GLIS3: variants seen among roughly 807,000 people sequenced by gnomAD.
GLIS3 encodes the protein zinc finger protein GLIS3.
GLIS3 carries 53 observed loss-of-function variants against 78.6 expected under a neutral mutation model. The ratio of observed to expected loss-of-function variants is 0.67; its 90% CI spans 0.54 to 0.85. The LOEUF is 0.85. GLIS3 is among the 40% of genes least tolerant of loss of function. The pLI, the probability that GLIS3 is intolerant of heterozygous loss-of-function variation, is 0.00. For synonymous variants in GLIS3, 684 were observed against 509.9 expected (o/e 1.34, Z -4.60); for missense variants, 1,703 against 1,231.1 (o/e 1.38, Z -5.74).
At chr9:4,092,547 T>G (rs1829611106) in intron 4 of GLIS3, among the ~76,000 whole-genome samples, 1 of 152,224 alleles carries the variant, frequency 6.6e-6, no homozygotes, top group African/African-American at 2.4e-5. Context: ...TTTTAAACTT[T>G]TTAAATTTTT....
At chr9:4,297,066 AG>A in intron 1 of GLIS3, among the ~76,000 whole-genome samples, 1 of 152,052 alleles carries the variant, frequency 6.6e-6, no homozygotes, top group East Asian at 1.9e-4. Flanking sequence ...AACTAGGAGG[AG>A]ATAAAAGAGA....
chr9:4,338,389 T>TACACAC lies in GLIS3; in HGVS notation n.264+8686_264+8691dup, dbSNP rs202090144. ...GTGTACACACACACACACACACACATACACACACACACACACACACAATTT... is the reference window on the plus strand; with the variant it reads ...GTGTACACACACACACACACACACATACACACACACACACACACACACACACAATTT... On this transcript the variant is annotated intron_variant and non_coding_transcript_variant, in intron 2 of 4. Transcript: ENST00000471664. 3.8e-3 allele frequency among the ~76,000 whole-genome samples: 557 copies of TACACAC among 147,462 alleles called. 1 individual carries two copies. The highest frequency in any genetic ancestry group is 0.01 in the African/African-American group (409 of 39,328).
At chr9:4,444,620 T>C in the GLIS3 span, among the ~76,000 whole-genome samples, 4 of 152,232 alleles carry the variant, frequency 2.6e-5, no homozygotes, top group Non-Finnish European at 5.9e-5. Context: ...TTGCCGATTA[T>C]CATGAAGAAA....
chr9:4,331,814 T>C (rs1198873714), intron 2 of GLIS3, among the ~76,000 whole-genome samples: 1 of 152,020 alleles, frequency 6.6e-6, no homozygotes, highest in African/African-American at 2.4e-5. Flanking sequence ...AAGAGAGACA[T>C]TGGGAGTGGT....
At chr9:4,315,081 C>A (rs1485480301) in intron 2 of GLIS3, among the ~76,000 whole-genome samples, 1 of 152,216 alleles carries the variant, frequency 6.6e-6, no homozygotes, top group East Asian at 1.9e-4. Flanking sequence ...TGTACTGACT[C>A]AACCAGAGTG....
chr9:4,127,311 C>G (rs1832647203), intron 2 of GLIS3, among the ~76,000 whole-genome samples: 1 of 152,126 alleles, frequency 6.6e-6, no homozygotes, highest in Non-Finnish European at 1.5e-5. Flanking sequence ...TAAATTTAGG[C>G]TCTGATATGC....
intron 6 of GLIS3, among the ~76,000 whole-genome samples, chr9:3,906,367 T>C (rs977712598): frequency 2.0e-5 from 3 of 152,040 alleles, no homozygotes; most frequent in African/African-American, 7.3e-5. Flanking sequence ...GGGTGAGAAG[T>C]GGTCCAGCTG....
chr9:4,248,938 T>C (rs569460568), intron 2 of GLIS3, among the ~76,000 whole-genome samples: 9 of 152,256 alleles, frequency 5.9e-5, no homozygotes, highest in African/African-American at 2.2e-4. Context: ...GGGGTGGTTA[T>C]AGATCTGTGG....
intron 2 of GLIS3, among the ~76,000 whole-genome samples, chr9:4,238,973 T>A (rs577315138): frequency 3.0e-4 from 45 of 152,092 alleles, no homozygotes; most frequent in South Asian, 2.3e-3. Context: ...TTGCTGAGAA[T>A]GATGGTTTCC....
chr9:4,434,588 G>C, the GLIS3 span, among the ~76,000 whole-genome samples: 1 of 152,164 alleles, frequency 6.6e-6, no homozygotes, highest in Non-Finnish European at 1.5e-5. Context: ...GGGGTGATAG[G>C]TGGGTGAGTG....
chr9:4,031,467 T>C (rs1056880362), intron 4 of GLIS3, among the ~76,000 whole-genome samples: 2 of 152,224 alleles, frequency 1.3e-5, no homozygotes, highest in African/African-American at 4.8e-5. Context: ...AGATTAGTAG[T>C]TGCCTGTGGC....
chr9:3,835,329 C>G (rs1422499619), intron 9 of GLIS3, among the ~76,000 whole-genome samples: 1 of 152,112 alleles, frequency 6.6e-6, no homozygotes, highest in African/African-American at 2.4e-5. Context: ...CAATAGGAAC[C>G]CCTCAAAAAC....
the GLIS3 span, among the ~76,000 whole-genome samples, chr9:4,365,795 T>A: frequency 8.9e-4 from 135 of 152,328 alleles, 1 homozygote; most frequent in African/African-American, 3.2e-3. Context: ...AATCACGTTA[T>A]GCTTCACATC....
intron 2 of GLIS3, among the ~76,000 whole-genome samples, chr9:4,232,679 T>C (rs1435223344): frequency 1.3e-5 from 2 of 152,202 alleles, no homozygotes; most frequent in Non-Finnish European, 2.9e-5. Flanking sequence ...ATTACCATTA[T>C]CAATAAAGGC....
chr9:4,000,899 CT>C (rs1210080825), intron 4 of GLIS3, among the ~76,000 whole-genome samples: 1 of 152,192 alleles, frequency 6.6e-6, no homozygotes, highest in African/African-American at 2.4e-5. Context: ...GGAGTCTTCC[CT>C]GATTATTCTG....
In GLIS3 at chr9:4,286,289, G is replaced by A. The variant is rs768719654; in HGVS notation, c.137C>T (p.Thr46Ile). The A allele has an allele frequency of 5.6e-6, 9 of 1,614,116 alleles. No homozygotes were observed. Among genetic ancestry groups the A allele is most frequent in the African/African-American group, 5.3e-5 (4 of 74,942 alleles). ...GTPGPSPCGS[T>I]SSPTMASLAN... ...AAGGCTTGCCATAGTGGGACTCGAT[G>A]TGCTGCCACAGGGCGAGGGGCCAGG... Residue 46 changes from threonine (T) to isoleucine (I), a missense_variant, in exon 2 of 11, where the codon ACA becomes ATA. Transcript: ENST00000381971.
chr9:3,860,293 A>ACAAAC (rs1563785766), intron 8 of GLIS3, among the ~76,000 whole-genome samples: 2 of 149,132 alleles, frequency 1.3e-5, no homozygotes, highest in African/African-American at 5.0e-5. Context: ...AAAAAAAAAA[A>ACAAAC]AAAAAAAAAA....
intron 2 of GLIS3, among the ~76,000 whole-genome samples, chr9:4,223,315 G>C (rs944812431): frequency 6.6e-6 from 1 of 152,124 alleles, no homozygotes; most frequent in African/African-American, 2.4e-5. Flanking sequence ...TATTTAATCT[G>C]GTGGGTGAGA....
intron 4 of GLIS3, among the ~76,000 whole-genome samples, chr9:4,308,063 C>A (rs1159552490): frequency 6.6e-6 from 1 of 152,146 alleles, no homozygotes; most frequent in Non-Finnish European, 1.5e-5. Context: ...GAACACTGTC[C>A]TTACAGTATT....
Sources: allele counts gnomAD v4.1 joint callset (sites outside exome capture counted in the v4.1 genomes callset), GRCh38; gene constraint gnomAD v4.1.1; transcripts MANE v1.5; gene names NCBI Gene and HGNC (gene_info 2026-07-23, HGNC 2026-07-21).